PDE2A: variants seen among roughly 807,000 people sequenced by gnomAD.
PDE2A encodes phosphodiesterase 2A, also known as cGMP-dependent 3',5'-cyclic phosphodiesterase.
Under a neutral mutation model 133.6 loss-of-function variants are expected in PDE2A, and 53 were observed. The observed-to-expected ratio is 0.40, with a 90% CI of 0.32 to 0.50. The LOEUF (loss-of-function observed/expected upper bound fraction) is 0.50. PDE2A is among the 20% of genes least tolerant of loss of function. The probability of loss-of-function intolerance (pLI) is 0.73; values close to 1 mark genes in which losing one functional copy is unlikely to be tolerated. For synonymous variants in PDE2A, 491 were observed against 490.2 expected (o/e 1.00, Z -0.02); for missense variants, 796 against 1,232.4 (o/e 0.65, Z 5.30).
At chr11:72,646,756 C>T (rs1859137468) in intron 1 of PDE2A, among the ~76,000 whole-genome samples, 1 of 152,208 alleles carries the variant, frequency 6.6e-6, no homozygotes, top group Non-Finnish European at 1.5e-5. Flanking sequence ...GGCTTTTCTT[C>T]CACCTCTTTG....
In PDE2A at chr11:72,591,362, G is replaced by A. The variant is rs1213706188; in HGVS notation, c.490-6C>T. On this transcript the variant is annotated splice_region_variant and splice_polypyrimidine_tract_variant and intron_variant, in intron 6 of 30. Coordinates refer to ENST00000334456, the MANE Select transcript of PDE2A (RefSeq NM_002599.5). ...CTCAGCTGGCCACAGTGCACCTGGA[G>A]GGATGGGAGAAGGGAACTAGCTGTG... The A allele has an allele frequency of 1.2e-6, 2 of 1,612,584 alleles. No individual in the cohort carries two copies. The highest frequency in any genetic ancestry group is 1.7e-6 in the Non-Finnish European group (2 of 1,178,816).
At chr11:72,605,069 G>T in intron 4 of PDE2A, 69 bp downstream of exon 4, 3 of 982,514 alleles carry the variant, frequency 3.1e-6, no homozygotes, top group Non-Finnish European at 4.8e-6. Flanking sequence ...AGATGACCTT[G>T]GATGGTGCCT....
At chr11:72,617,608 C>T (rs557535000) in intron 2 of PDE2A, among the ~76,000 whole-genome samples, 1 of 152,300 alleles carries the variant, frequency 6.6e-6, no homozygotes, top group East Asian at 1.9e-4. Flanking sequence ...CCCCAAACCC[C>T]AGGGGGAGGG....
intron 3 of PDE2A, among the ~76,000 whole-genome samples, chr11:72,605,786 G>T (rs1416055507): frequency 1.3e-5 from 2 of 152,226 alleles, no homozygotes; most frequent in African/African-American, 4.8e-5. Context: ...TGACCTTTCA[G>T]CTGTCACTGA....
intron 14 of PDE2A, 142 bp downstream of exon 14, chr11:72,585,928 T>C (rs1456271932): frequency 3.0e-6 from 2 of 658,018 alleles, no homozygotes; most frequent in East Asian, 2.7e-5. Context: ...ACTGCAAGCC[T>C]TCAAGTTATG....
chr11:72,598,474 C>T (rs1338641395), intron 4 of PDE2A: 2 of 1,282,168 alleles, frequency 1.6e-6, no homozygotes, highest in South Asian at 1.2e-5. Flanking sequence ...CTCCTCTACC[C>T]CCCAGCCTCT....
intron 1 of PDE2A, chr11:72,668,944 C>T (rs534298519): frequency 9.9e-7 from 1 of 1,008,618 alleles, no homozygotes; most frequent in Admixed American, 5.2e-5. Flanking sequence ...TCTCCCTCTC[C>T]AGGCCCCGCT....
chr11:72,672,607 T>TG (rs1855410514), intron 1 of PDE2A, among the ~76,000 whole-genome samples: 2 of 152,280 alleles, frequency 1.3e-5, no homozygotes, highest in African/African-American at 4.8e-5. Context: ...CTATTGAATG[T>TG]GGGTCCTGCC....
At chr11:72,638,702 A>G (rs1342412923) in intron 2 of PDE2A, among the ~76,000 whole-genome samples, 1 of 152,146 alleles carries the variant, frequency 6.6e-6, no homozygotes, top group African/African-American at 2.4e-5. Flanking sequence ...TAAATGAGAC[A>G]TTTGTGAAAG....
At chr11:72,652,410 C>G in intron 1 of PDE2A, 1 of 438,878 alleles carries the variant, frequency 2.3e-6, no homozygotes, top group South Asian at 1.6e-5. Context: ...TGGCACCCAG[C>G]TTGGCCTGGC....
intron 6 of PDE2A, among the ~76,000 whole-genome samples, chr11:72,592,486 C>T (rs1856296614): frequency 6.6e-6 from 1 of 152,072 alleles, no homozygotes; most frequent in Non-Finnish European, 1.5e-5. Context: ...GAGCCTCATA[C>T]CTGAGGAAGG....
chr11:72,586,013 C>G, intron 14 of PDE2A, 57 bp downstream of exon 14: 2 of 1,026,658 alleles, frequency 1.9e-6, no homozygotes, highest in Admixed American at 3.9e-5. Context: ...GAATGGCTCT[C>G]GGGGCTGAAA....
chr11:72,617,008 C>T (rs982666487), intron 2 of PDE2A, among the ~76,000 whole-genome samples: 1 of 152,224 alleles, frequency 6.6e-6, no homozygotes, highest in Non-Finnish European at 1.5e-5. Context: ...TTCACCCAGG[C>T]TCTCATCTGG....
Position 72,596,662 on chromosome 11 carries a change from G to A in PDE2A, c.434-14C>T, listed in dbSNP as rs964848163. ...GCATGACCAGCACTGAGGGGGAGAG[G>A]GCAATGAGGTGCTCCTGCAGGGCTG... On this transcript the variant is annotated splice_polypyrimidine_tract_variant and intron_variant, in intron 5 of 30. Transcript: ENST00000334456. 1 of 1,425,870 alleles carries A rather than the reference G, an allele frequency of 7.0e-7. No individual in the cohort carries two copies. Among genetic ancestry groups the A allele is most frequent in the Non-Finnish European group, 9.3e-7 (1 of 1,077,946 alleles). The allele number at this position is 1,425,870 out of a possible 1,614,324, so 88.3% of individuals were successfully genotyped here. A position where few individuals can be genotyped will look rare whatever the true frequency, so the allele number is the denominator to read the frequency against.
chr11:72,580,783 G>A, intron 24 of PDE2A, 103 bp downstream of exon 24: 1 of 970,604 alleles, frequency 1.0e-6, no homozygotes, highest in Non-Finnish European at 1.7e-6. Flanking sequence ...GTCTAAACCT[G>A]GCTCCTGGTC....
chr11:72,650,693 G>A (rs879742135), intron 1 of PDE2A, among the ~76,000 whole-genome samples: 1 of 152,124 alleles, frequency 6.6e-6, no homozygotes, highest in Non-Finnish European at 1.5e-5. Flanking sequence ...AGGCTGGGTA[G>A]GGGACGAAGG....
chr11:72,583,705 C>G (rs781362334), intron 19 of PDE2A, 190 bp from the exon 20 acceptor site: 55 of 594,646 alleles, frequency 9.2e-5, no homozygotes, highest in Non-Finnish European at 1.4e-4. Context: ...GCGCCGGTTC[C>G]TCCTCATCAA....
chr11:72,628,962 G>A (rs986073722), intron 2 of PDE2A, among the ~76,000 whole-genome samples: 1 of 152,226 alleles, frequency 6.6e-6, no homozygotes, highest in Non-Finnish European at 1.5e-5. Context: ...CTGAGTATAG[G>A]CCTGGGCACT....
At chr11:72,636,803 T>G (rs529548014) in intron 2 of PDE2A, among the ~76,000 whole-genome samples, 1 of 152,244 alleles carries the variant, frequency 6.6e-6, no homozygotes, top group South Asian at 2.1e-4. Context: ...CAGCCTCCCC[T>G]TCAGTCTCCA....
Sources: gnomAD v4.1 joint callset for allele counts (sites outside exome capture counted in the v4.1 genomes callset) on GRCh38, gnomAD v4.1.1 for gene constraint, MANE v1.5 for transcripts, NCBI Gene and HGNC (gene_info 2026-07-23, HGNC 2026-07-21) for gene names.